The following TYW1 variants were observed in gnomAD, a reference collection of about 807,000 sequenced individuals.
TYW1 encodes S-adenosyl-L-methionine-dependent tRNA 4-demethylwyosine synthase TYW1.
TYW1 carries 46 observed loss-of-function variants against 96.2 expected under a neutral mutation model. That is an observed-to-expected ratio of 0.48 (90% CI 0.38 to 0.61). The LOEUF is 0.61. Among genes scored for constraint, TYW1 ranks in the 20% least tolerant of loss-of-function variants. The pLI, the probability that TYW1 is intolerant of heterozygous loss-of-function variation, is 0.00. For missense variants in TYW1, 684 were observed against 909.6 expected (o/e 0.75, Z 3.19); for synonymous variants, 274 against 323.0 (o/e 0.85, Z 1.63).
At chr7:67,058,986 G>A (rs1033365821) in intron 9 of TYW1, among the ~76,000 whole-genome samples, 1 of 152,028 alleles carries the variant, frequency 6.6e-6, no homozygotes, top group Non-Finnish European at 1.5e-5. Context: ...TTGGAATAGA[G>A]CATTGCAATG....
At position 67,238,611 on chromosome 7, in the gene TYW1, G is replaced by A. The variant is rs957758639; in HGVS notation, c.*82G>A. The A allele has an allele frequency of 2.6e-6, 4 of 1,551,792 alleles. No individual in the cohort carries two copies. The highest frequency in any genetic ancestry group is 1.4e-5 in the African/African-American group (1 of 72,234). ...TTGAACACCACTGTGATTCTCCAAG[G>A]ACGAATTACGTAAATTATACTTTCA... On this transcript the variant is annotated 3_prime_UTR_variant, in exon 16 of 16. Coordinates refer to ENST00000359626, the MANE Select transcript of TYW1 (RefSeq NM_018264.4).
intron 8 of TYW1, among the ~76,000 whole-genome samples, chr7:67,052,102 G>T (rs1795378647): frequency 6.6e-6 from 1 of 152,028 alleles, no homozygotes; most frequent in Admixed American, 6.6e-5. Flanking sequence ...CTGATTTTGA[G>T]CAATTTAATT....
At chr7:67,067,605 G>A (rs1411432920) in intron 10 of TYW1, among the ~76,000 whole-genome samples, 1 of 152,160 alleles carries the variant, frequency 6.6e-6, no homozygotes, top group Non-Finnish European at 1.5e-5. Flanking sequence ...TGCTGGATTT[G>A]TAAACATCCA....
chr7:67,014,566 G>A lies in TYW1; in HGVS notation c.570+5G>A, dbSNP rs1793943670. 3 of 1,601,606 alleles carry A rather than the reference G, an allele frequency of 1.9e-6. No homozygotes were observed. The highest frequency in any genetic ancestry group is 2.7e-5 in the African/African-American group (2 of 74,512). On this transcript the variant is annotated splice_donor_5th_base_variant and intron_variant, in intron 5 of 15. Transcript: ENST00000359626. ...TATGCTAGCCACTTCAACAAGGTAGGTCTATATTGAATTATAGGAATAAAT... is the reference window on the plus strand; with the variant it reads ...TATGCTAGCCACTTCAACAAGGTAGATCTATATTGAATTATAGGAATAAAT...
At chr7:67,029,155 C>T (rs1248490094) in intron 7 of TYW1, among the ~76,000 whole-genome samples, 2 of 151,742 alleles carry the variant, frequency 1.3e-5, no homozygotes, top group African/African-American at 2.4e-5. Flanking sequence ...CCTGCCACTG[C>T]GCCCAGCTAA....
chr7:67,139,079 A>G (rs567968008), intron 13 of TYW1, among the ~76,000 whole-genome samples: 1 of 152,216 alleles, frequency 6.6e-6, no homozygotes, highest in South Asian at 2.1e-4. Context: ...ATTGAGACGG[A>G]GTCTTGCTCT....
chr7:67,119,200 T>G (rs1797689942), intron 13 of TYW1, among the ~76,000 whole-genome samples: 1 of 152,080 alleles, frequency 6.6e-6, no homozygotes, highest in Non-Finnish European at 1.5e-5. Context: ...TGACTGATAA[T>G]GACAATCACC....
chr7:67,185,606 A>G (rs1799993199), intron 14 of TYW1, among the ~76,000 whole-genome samples: 1 of 152,134 alleles, frequency 6.6e-6, no homozygotes, highest in Non-Finnish European at 1.5e-5. Flanking sequence ...AGGAGGGAAA[A>G]GGGGACATAT....
intron 6 of TYW1, among the ~76,000 whole-genome samples, chr7:67,023,866 G>C (rs1186041650): frequency 6.6e-6 from 1 of 152,272 alleles, no homozygotes; most frequent in East Asian, 1.9e-4. Flanking sequence ...AGGCTGCCAC[G>C]TATTAGCTGT....
chr7:67,024,238 C>T (rs1794373287), intron 6 of TYW1, among the ~76,000 whole-genome samples: 1 of 152,194 alleles, frequency 6.6e-6, no homozygotes, highest in Non-Finnish European at 1.5e-5. Context: ...CTATGTTGCC[C>T]AGGCTGGTCT....
intron 13 of TYW1, among the ~76,000 whole-genome samples, chr7:67,119,021 C>T (rs146700698): frequency 0.034 from 5,105 of 151,802 alleles, 255 homozygotes; most frequent in African/African-American, 0.12. Context: ...TCATTTTCTG[C>T]AAACATTTGG....
intron 11 of TYW1, among the ~76,000 whole-genome samples, chr7:67,090,957 C>T (rs1796695962): frequency 2.0e-5 from 3 of 152,170 alleles, no homozygotes. Flanking sequence ...CACTTTTACA[C>T]TGTTGATGGG....
chr7:67,068,135 T>C (rs371983638), intron 10 of TYW1, among the ~76,000 whole-genome samples: 1 of 151,758 alleles, frequency 6.6e-6, no homozygotes, highest in Non-Finnish European at 1.5e-5. Context: ...GATTCTCCTG[T>C]CTCAGCCTCC....
intron 15 of TYW1, among the ~76,000 whole-genome samples, chr7:67,208,664 A>G (rs1229295143): frequency 7.1e-6 from 1 of 141,788 alleles, no homozygotes; most frequent in African/African-American, 2.6e-5. Flanking sequence ...CACTCTAGCC[A>G]GGGCAACAGA....
In TYW1 at chr7:67,072,963, T is replaced by TG. The variant is rs1554358232; in HGVS notation, c.1274+5560_1274+5561insG. On this transcript the variant is annotated intron_variant, in intron 10 of 15. Transcript: ENST00000359626. ...TTTTTTTTTTTTTTTTTTTTTTTTT[T>TG]TATAGAGACAGGGTCTTGCTATGTT... is the stretch of plus-strand genomic sequence containing the variant. Among the ~76,000 whole-genome samples, 156 of 118,682 alleles carry TG rather than the reference T, an allele frequency of 1.3e-3. 7 individuals carry two copies. Among genetic ancestry groups the TG allele is most frequent in the African/African-American group, 4.8e-3 (138 of 29,020 alleles). 77.9% of individuals were successfully genotyped at this position (118,682 alleles called of 152,430 possible).
chr7:67,144,990 G>T (rs1313729115), intron 13 of TYW1, among the ~76,000 whole-genome samples: 1 of 137,536 alleles, frequency 7.3e-6, no homozygotes. Flanking sequence ...CTACTAATTT[G>T]CTTCTTGCTG....
intron 13 of TYW1, among the ~76,000 whole-genome samples, chr7:67,162,017 C>T (rs980166724): frequency 6.6e-6 from 1 of 152,094 alleles, no homozygotes; most frequent in African/African-American, 2.4e-5. Flanking sequence ...ACATTCTGGA[C>T]CGGGCGCAGT....
intron 13 of TYW1, among the ~76,000 whole-genome samples, chr7:67,150,395 C>A (rs1233656657): frequency 6.6e-6 from 1 of 152,190 alleles, no homozygotes; most frequent in African/African-American, 2.4e-5. Flanking sequence ...ACCTGCCCAT[C>A]TCTTAGTGGA....
At chr7:67,157,587 A>G (rs1020947839) in intron 13 of TYW1, among the ~76,000 whole-genome samples, 8 of 152,174 alleles carry the variant, frequency 5.3e-5, no homozygotes, top group African/African-American at 1.9e-4. Context: ...TGCCCGGCCT[A>G]TGACCAATAT....
Sources: gnomAD v4.1 joint callset for allele counts (sites outside exome capture counted in the v4.1 genomes callset) on GRCh38, gnomAD v4.1.1 for gene constraint, MANE v1.5 for transcripts, NCBI Gene and HGNC (gene_info 2026-07-23, HGNC 2026-07-21) for gene names.